SHC4: variants seen among roughly 807,000 people sequenced by gnomAD.
SHC4 encodes SHC adaptor protein 4.
A neutral mutation model predicts 69.4 loss-of-function variants in SHC4; 41 were observed. The ratio of observed to expected loss-of-function variants is 0.59; its 90% confidence interval spans 0.46 to 0.77. SHC4 has a LOEUF of 0.77. Among genes scored for constraint, SHC4 ranks in the 30% least tolerant of loss-of-function variants. The pLI is 0.00. For missense variants in SHC4, 777 were observed against 783.8 expected, an observed-to-expected ratio of 0.99 and a Z score of 0.10; for synonymous variants, 318 against 299.3, an observed-to-expected ratio of 1.06 and a Z score of -0.64.
chr15:48,929,513 A>G (rs1481559961), intron 1 of SHC4, among the ~76,000 whole-genome samples: 1 of 152,224 alleles, frequency 6.6e-6, no homozygotes, highest in Non-Finnish European at 1.5e-5. Flanking sequence ...ATTCACTGGT[A>G]CTGAATCAGG....
At chr15:48,960,385 T>C (rs572168058) in intron 1 of SHC4, among the ~76,000 whole-genome samples, 1 of 152,286 alleles carries the variant, frequency 6.6e-6, no homozygotes, top group South Asian at 2.1e-4. Context: ...CTCACTCGTT[T>C]TCCCATGAGG....
chr15:48,928,068 C>T (rs1256562391), intron 1 of SHC4, among the ~76,000 whole-genome samples: 1 of 152,058 alleles, frequency 6.6e-6, no homozygotes, highest in Non-Finnish European at 1.5e-5. Context: ...TGAGTGGGGG[C>T]TAGGGCGAGC....
At chr15:48,947,047 A>G (rs1405227227) in intron 1 of SHC4, 2 of 152,238 alleles carry the variant, frequency 1.3e-5, no homozygotes, top group Non-Finnish European at 2.9e-5. Flanking sequence ...ATAAGGCTTC[A>G]GTTAGAGCTA....
intron 1 of SHC4, among the ~76,000 whole-genome samples, chr15:48,936,799 G>C (rs1901079721): frequency 6.6e-6 from 1 of 152,190 alleles, no homozygotes; most frequent in African/African-American, 2.4e-5. Flanking sequence ...GGTCATCTGT[G>C]GGCAAGGAAA....
rs115993205 is a variant in SHC4, at chr15:48,890,129, G to C, written c.720+619C>G. 1.8e-3 allele frequency among the ~76,000 whole-genome samples: 267 copies of C among 152,276 alleles called. 1 individual carries two copies. Among genetic ancestry groups the C allele is most frequent in the African/African-American group, 6.3e-3 (261 of 41,542 alleles). On this transcript the variant is annotated intron_variant, in intron 3 of 11. Coordinates refer to ENST00000332408, the MANE Select transcript of SHC4 (RefSeq NM_203349.4). ...CTATTTTCTCCCATTTTACAGATGA[G>C]TAAACCAAGGATCCAAGAGGTTAAG...
chr15:48,826,253 CTTTT>C (rs34570376), intron 11 of SHC4, 127 bp from the exon 12 acceptor site: 509 of 638,480 alleles, frequency 8.0e-4, no homozygotes, highest in Middle Eastern at 2.4e-3. Context: ...AGAAAAGGTA[CTTTT>C]TTTTTTTTTT....
rs182514204 is a variant in SHC4, at chr15:48,837,291, G to C, written c.1484-2269C>G. ...GCAGAAGGACAAGATACTCCGCTGG[G>C]AGATTTCAATCATCCAAACATTTGC... On this transcript the variant is annotated intron_variant, in intron 10 of 11. Transcript: ENST00000332408. Among the ~76,000 whole-genome samples the C allele has an allele frequency of 3.9e-5, 6 of 152,304 alleles. No homozygotes were observed. In the East Asian group the frequency reaches 1.2e-3, roughly 29 times the overall value.
At chr15:48,919,699 G>A (rs1358647043) in intron 2 of SHC4, among the ~76,000 whole-genome samples, 1 of 151,914 alleles carries the variant, frequency 6.6e-6, no homozygotes, top group East Asian at 1.9e-4. Context: ...TACTTTCATG[G>A]CTGGATCCCT....
At chr15:48,951,368 A>C in intron 1 of SHC4, among the ~76,000 whole-genome samples, 1 of 148,332 alleles carries the variant, frequency 6.7e-6, no homozygotes. Context: ...CTTTGTTACC[A>C]CTCTGTTTCT....
At chr15:48,947,243 C>T (rs1413528164) in intron 1 of SHC4, 1 of 152,098 alleles carries the variant, frequency 6.6e-6, no homozygotes, top group Non-Finnish European at 1.5e-5. Flanking sequence ...CATCCAGCAC[C>T]TCTGGGTCTT....
intron 4 of SHC4, chr15:48,876,607 G>A (rs1281724352): frequency 2.9e-6 from 2 of 697,782 alleles, no homozygotes; most frequent in East Asian, 2.7e-5. Context: ...GAGCCAGTCC[G>A]AGTTCTGAAA....
intron 6 of SHC4, among the ~76,000 whole-genome samples, chr15:48,858,068 GC>G (rs1899366175): frequency 6.6e-6 from 1 of 152,090 alleles, no homozygotes; most frequent in Non-Finnish European, 1.5e-5. Flanking sequence ...GGATTTGGGG[GC>G]CACATTTTTA....
intron 1 of SHC4, among the ~76,000 whole-genome samples, chr15:48,941,952 G>A (rs1361083606): frequency 6.6e-6 from 1 of 151,982 alleles, no homozygotes; most frequent in Non-Finnish European, 1.5e-5. Context: ...CTATGCCCAC[G>A]TGTACATATT....
At chr15:48,891,901 C>T (rs1050354974) in intron 2 of SHC4, among the ~76,000 whole-genome samples, 6 of 152,114 alleles carry the variant, frequency 3.9e-5, no homozygotes, top group African/African-American at 1.4e-4. Context: ...GTCGCCCAGG[C>T]TGGAGTGCAG....
At chr15:48,867,398 A>G (rs1267813012) in intron 6 of SHC4, among the ~76,000 whole-genome samples, 2 of 152,162 alleles carry the variant, frequency 1.3e-5, no homozygotes, top group Non-Finnish European at 2.9e-5. Context: ...GAGATAATAC[A>G]GGCTCTTGAA....
Position 48,962,760 on chromosome 15 carries a change from A to C in SHC4, c.256T>G (p.Leu86Val). 1 of 1,612,642 alleles carries C rather than the reference A, an allele frequency of 6.2e-7. No individual in the cohort carries two copies. The highest frequency in any genetic ancestry group is 8.5e-7 in the Non-Finnish European group (1 of 1,179,852). ...SQESPTPLCTLIPRMASMKLA... is the reference protein window; with the variant it reads ...SQESPTPLCTVIPRMASMKLA... ...TTCATGCTTGCCATGCGGGGGATCA[A>C]GGTGCACAGTGGGGTGGGGCTCTCC... The change falls in exon 1 of 12, where the codon TTG becomes GTG. Residue 86 changes from leucine (L) to valine (V), a missense_variant. Physicochemically the swap from Leu to Val is conservative, Grantham distance 32. Coordinates refer to ENST00000332408, the MANE Select transcript of SHC4 (RefSeq NM_203349.4).
chr15:48,825,933 G>T lies in SHC4; in HGVS notation c.*38C>A, dbSNP rs1405767455. 42 of 1,592,652 alleles carry T rather than the reference G, an allele frequency of 2.6e-5. No individual in the cohort carries two copies. Among genetic ancestry groups the T allele is most frequent in the Non-Finnish European group, 3.5e-5 (41 of 1,171,502 alleles). ...TCTTTGTGTCCTAATACAAAATGGG[G>T]TTTCTTGAAATATCAGTGTGATGGT... On this transcript the variant is annotated 3_prime_UTR_variant, in exon 12 of 12. Coordinates refer to ENST00000332408, the MANE Select transcript of SHC4 (RefSeq NM_203349.4).
intron 1 of SHC4, 133 bp downstream of exon 1, chr15:48,962,298 G>T: frequency 5.5e-6 from 5 of 910,540 alleles, no homozygotes; most frequent in East Asian, 5.5e-5. Flanking sequence ...GCTCCCCTCC[G>T]CCTTGGTCCA....
rs188558703 is a variant in SHC4, at chr15:48,902,708, G to A, written c.657-11897C>T. Among the ~76,000 whole-genome samples the A allele has an allele frequency of 3.3e-3, 499 of 152,180 alleles. 4 individuals carry two copies. The highest frequency in any genetic ancestry group is 0.012 in the African/African-American group (481 of 41,518). ...TATGGGGTTCCAAGGCCTGGTCCCC[G>A]TACCTCAATATGGGGTGACTCTGAA... On this transcript the variant is annotated intron_variant, in intron 2 of 11. Transcript: ENST00000332408.
Sources: gnomAD v4.1 joint callset for allele counts (sites outside exome capture counted in the v4.1 genomes callset) on GRCh38, gnomAD v4.1.1 for gene constraint, MANE v1.5 for transcripts, NCBI Gene and HGNC (gene_info 2026-07-23, HGNC 2026-07-21) for gene names.